The following TET3 variants were observed in gnomAD, a reference collection of about 807,000 sequenced individuals.
TET3 encodes the protein tet methylcytosine dioxygenase 3.
In TET3, 19 loss-of-function variants were observed where a neutral mutation model predicts 141.4. That is an observed-to-expected ratio of 0.13 (90% CI 0.09 to 0.20). The LOEUF is 0.20. TET3 is among the 10% of genes least tolerant of loss of function. The pLI is 1.00. For missense variants in TET3, 1,874 were observed against 2,356.9 expected, an observed-to-expected ratio of 0.80 and a Z score of 4.24; for synonymous variants, 1,043 against 980.9, an observed-to-expected ratio of 1.06 and a Z score of -1.18.
Position 74,093,503 on chromosome 2 carries a change from G to T in TET3, c.3130-26G>T, listed in dbSNP as rs758219587. ...GGGCCACTCACCTCAGGTCATGTGA[G>T]CACCTCTCCTTGGCTGTCTACACAG... is the stretch of plus-strand genomic sequence containing the variant. On this transcript the variant is annotated intron_variant, in intron 9 of 11. Coordinates refer to ENST00000409262, the MANE Select transcript of TET3 (RefSeq NM_001287491.2). The surrounding 1 kb of genome is among the most constrained non-coding windows in gnomAD (Gnocchi z 4.2). 2 of 1,577,890 alleles carry T rather than the reference G, an allele frequency of 1.3e-6. No homozygotes were observed. Among genetic ancestry groups the T allele is most frequent in the Non-Finnish European group, 1.7e-6 (2 of 1,158,964 alleles).
At chr2:74,079,940 G>T (rs1042188062) in intron 5 of TET3, among the ~76,000 whole-genome samples, 3 of 152,154 alleles carry the variant, frequency 2.0e-5, no homozygotes, top group African/African-American at 7.2e-5. Flanking sequence ...GGCAGGTGAC[G>T]TGTGCAGGAA....
At chr2:74,073,478 G>T in intron 4 of TET3, 71 bp from the exon 5 acceptor site, 1 of 1,198,928 alleles carries the variant, frequency 8.3e-7, no homozygotes, top group Non-Finnish European at 1.2e-6. Flanking sequence ...TTTCCTGTTG[G>T]TGGTTTGCTT....
chr2:74,092,785 G>GAT, intron 8 of TET3, 117 bp from the exon 9 acceptor site: 1 of 867,296 alleles, frequency 1.2e-6, no homozygotes, highest in Non-Finnish European at 1.9e-6. Context: ...AAAGACACCT[G>GAT]ATAACACCTC....
intron 6 of TET3, among the ~76,000 whole-genome samples, chr2:74,086,924 C>A (rs1227568653): frequency 6.6e-6 from 1 of 151,412 alleles, no homozygotes; most frequent in African/African-American, 2.4e-5. Flanking sequence ...ATTTCCAGAA[C>A]TTTTTCAACA....
chr2:74,084,705 G>A (rs372599525), intron 6 of TET3, among the ~76,000 whole-genome samples: 6 of 151,964 alleles, frequency 3.9e-5, no homozygotes, highest in South Asian at 2.1e-4. Flanking sequence ...CACCCGCCTC[G>A]GCCTCCCAAA....
At chr2:74,040,963 A>G (rs1573763460) in intron 3 of TET3, among the ~76,000 whole-genome samples, 1 of 152,158 alleles carries the variant, frequency 6.6e-6, no homozygotes, top group South Asian at 2.1e-4. Context: ...TGAGGGGAAA[A>G]GCGGAGGGTT....
chr2:74,135,272 G>A, the TET3 span: 1 of 480,846 alleles, frequency 2.1e-6, no homozygotes, highest in Non-Finnish European at 3.7e-6. Context: ...GTTTCGTGGA[G>A]GGGAAGAAAC....
the TET3 span, among the ~76,000 whole-genome samples, chr2:74,126,713 C>T: frequency 6.6e-6 from 1 of 152,066 alleles, no homozygotes; most frequent in Admixed American, 6.6e-5. Flanking sequence ...TCGTGTTAGC[C>T]AGCATGGTCT....
At chr2:74,085,547 T>G (rs1690078257) in intron 6 of TET3, among the ~76,000 whole-genome samples, 1 of 152,270 alleles carries the variant, frequency 6.6e-6, no homozygotes, top group Admixed American at 6.5e-5. Context: ...CCTAACTTTT[T>G]GGCACCAGGG....
At chr2:73,999,477 T>G (rs1190330719) in intron 2 of TET3, among the ~76,000 whole-genome samples, 2 of 152,210 alleles carry the variant, frequency 1.3e-5, no homozygotes, top group Non-Finnish European at 2.9e-5. Context: ...TGTCTGGTTG[T>G]GTCTGTGTTC....
At chr2:73,985,193 G>GGGGAGGGGCGGC (rs1683940466) in intron 1 of TET3, 36 bp downstream of exon 1, 2 of 146,394 alleles carry the variant, frequency 1.4e-5, no homozygotes, top group East Asian at 4.1e-4. Flanking sequence ...CTCCGGAGTG[G>GGGGAGGGGCGGC]GGGAGGGGCG....
In TET3 at chr2:73,998,749, T is replaced by C. The variant is rs554494756; in HGVS notation, c.304-4361T>C. ...AATTACTTGGGTGGAAATTGATGCG[T>C]GGACACCGGGGACTTCAAACATAGG... On this transcript the variant is annotated intron_variant, in intron 2 of 11. Transcript: ENST00000409262. Among the ~76,000 whole-genome samples the C allele has an allele frequency of 3.3e-5, 5 of 152,142 alleles. 1 individual carries two copies. The South Asian group carries it at 1.0e-3, about 32-fold the overall frequency.
chr2:74,002,691 C>A, intron 2 of TET3: 1 of 425,826 alleles, frequency 2.3e-6, no homozygotes, highest in South Asian at 6.6e-5. Context: ...GGGAGGGGAG[C>A]GCAGCCGGCA....
At chr2:74,021,809 C>G (rs1174805830) in intron 3 of TET3, among the ~76,000 whole-genome samples, 1 of 152,182 alleles carries the variant, frequency 6.6e-6, no homozygotes, top group Non-Finnish European at 1.5e-5. Context: ...TTTGGGGCTT[C>G]CAGTACTTGA....
intron 2 of TET3, 62 bp from the exon 3 acceptor site, chr2:74,003,045 CAGG>C (rs1684947529): frequency 6.5e-7 from 1 of 1,530,672 alleles, no homozygotes; most frequent in Non-Finnish European, 8.9e-7. Flanking sequence ...GGGGCTGTAG[CAGG>C]AGGACTTTGC....
At chr2:74,122,509 ATATTTTT>A in the TET3 span, 1 of 76,262 alleles carries the variant, frequency 1.3e-5, no homozygotes, top group African/African-American at 5.7e-5. Context: ...ATATATATAT[ATATTTTT>A]TTTTTTTTTT....
rs1691044017 is a variant in TET3, at chr2:74,099,561, G to A, written c.3553G>A (p.Glu1185Lys). ...KIQKEKLSTPEKIKQEALELA... is the reference protein window; with the variant it reads ...KIQKEKLSTPKKIKQEALELA... The stretch of plus-strand genomic sequence containing the variant: ...TCAGAAGGAGAAGCTGAGCACTCCG[G>A]AGAAGATCAAGCAGGAGGCCCTGGA... The change falls in exon 11 of 12, where the codon GAG (glutamate) becomes AAG (lysine). Residue 1185 changes from glutamate to lysine, a missense_variant. Glu to Lys is a moderately conservative substitution (Grantham distance 56). This residue lies in a region of TET3 where 602 missense variants were observed against 590.2 expected (regional missense o/e 1.02). Coordinates refer to ENST00000409262, the MANE Select transcript of TET3 (RefSeq NM_001287491.2). 2 of 1,607,148 alleles carry A rather than the reference G, an allele frequency of 1.2e-6. No individual in the cohort carries two copies. The highest frequency in any genetic ancestry group is 1.3e-5 in the African/African-American group (1 of 74,780).
chr2:73,983,870 G>C (rs1194180085), upstream of TET3, among the ~76,000 whole-genome samples: 2 of 152,234 alleles, frequency 1.3e-5, no homozygotes, highest in Non-Finnish European at 2.9e-5. Context: ...CCCTGCAACC[G>C]AGGTAGGTGG....
rs1015763447 is a variant in TET3 at position 74,058,339 on chromosome 2, G to A, written c.2494+9928G>A. Among the ~76,000 whole-genome samples the A allele has an allele frequency of 3.9e-5, 6 of 152,130 alleles. No individual in the cohort carries two copies. The East Asian group carries it at 9.6e-4, about 24-fold the overall frequency. ...TCTGGTGGGAATCTTGGGAACACTCGGTGTTCTCGGCGAACAGTGTGGAGC... is the reference window on the plus strand; with the variant it reads ...TCTGGTGGGAATCTTGGGAACACTCAGTGTTCTCGGCGAACAGTGTGGAGC... On this transcript the variant is annotated intron_variant, in intron 4 of 11. Coordinates refer to ENST00000409262, the MANE Select transcript of TET3 (RefSeq NM_001287491.2).
Sources: gnomAD v4.1 joint callset for allele counts (sites outside exome capture counted in the v4.1 genomes callset) on GRCh38, gnomAD v4.1.1 for gene constraint, gnomAD v4.1.1 regional missense constraint, Gnocchi (gnomAD v3.1) non-coding constraint, MANE v1.5 for transcripts, NCBI Gene and HGNC (gene_info 2026-07-23, HGNC 2026-07-21) for gene names.